GRK3: variants seen among roughly 807,000 people sequenced by gnomAD.
GRK3 encodes the protein adrenergic, beta, receptor kinase 2.
Under a neutral mutation model 95.7 loss-of-function variants are expected in GRK3, and 54 were observed. That is an observed-to-expected ratio of 0.56 (90% CI 0.45 to 0.71). GRK3 has a LOEUF of 0.71. Among genes scored for constraint, GRK3 ranks in the 30% least tolerant of loss-of-function variants. GRK3 has a pLI of 0.00. For synonymous variants in GRK3, 281 were observed against 290.8 expected (o/e 0.97, Z 0.34); for missense variants, 649 against 851.2 (o/e 0.76, Z 2.96).
rs1274027195 is a variant in GRK3 at position 25,714,484 on chromosome 22, A to G, written c.1568A>G (p.Glu523Gly). 1 of 1,613,940 alleles carries G rather than the reference A, an allele frequency of 6.2e-7. No individual in the cohort carries two copies. Reference protein sequence around the residue: ...ISERWQQEVTETVYEAVNADT... With the variant: ...ISERWQQEVTGTVYEAVNADT... ...GAACGCTGGCAGCAAGAAGTAACGG[A>G]AACAGTTTATGAAGCAGTAAATGCA... Residue 523 changes from glutamate to glycine, a missense_variant, in exon 18 of 21, where the codon GAA (glutamate) becomes GGA (glycine). Physicochemically the swap from Glu to Gly is moderately conservative, Grantham distance 98 (BLOSUM62 -2). Coordinates refer to ENST00000324198, the MANE Select transcript of GRK3 (RefSeq NM_005160.4).
intron 5 of GRK3, among the ~76,000 whole-genome samples, chr22:25,665,098 T>A (rs2084933266): frequency 3.3e-5 from 5 of 152,218 alleles, no homozygotes; most frequent in African/African-American, 1.2e-4. Flanking sequence ...ACTTCAGTTT[T>A]CTCATCTGTA....
At position 25,585,803 on chromosome 22, in the gene GRK3, A is replaced by T. The variant is rs143504012; in HGVS notation, c.114-18574A>T. Among the ~76,000 whole-genome samples, 191 of 152,370 alleles carry T rather than the reference A, an allele frequency of 1.3e-3. 2 individuals carry two copies. The East Asian group carries it at 0.02, about 16-fold the overall frequency. ...GTTGCAATCCTGGGTCATCACATAA[A>T]GGTTATAGCAACTTCAAGGGTGTAG... On this transcript the variant is annotated intron_variant, in intron 1 of 20. Coordinates refer to ENST00000324198, the MANE Select transcript of GRK3 (RefSeq NM_005160.4).
chr22:25,570,336 C>T (rs565447492), intron 1 of GRK3, among the ~76,000 whole-genome samples: 51 of 152,292 alleles, frequency 3.3e-4, no homozygotes, highest in Non-Finnish European at 6.6e-4. Context: ...AACAGGATTT[C>T]TACTGTCTTT....
chr22:25,633,826 T>G (rs966728481), intron 2 of GRK3, among the ~76,000 whole-genome samples: 15 of 152,200 alleles, frequency 9.9e-5, no homozygotes, highest in Non-Finnish European at 2.9e-5. Context: ...TTTGAAACTT[T>G]ATAAGAAAAT....
intron 13 of GRK3, among the ~76,000 whole-genome samples, chr22:25,699,865 A>AT (rs2085243871): frequency 2.0e-5 from 3 of 151,600 alleles, no homozygotes; most frequent in Non-Finnish European, 4.4e-5. Context: ...CGCCCAGCTA[A>AT]TTTTTTGTAT....
intron 11 of GRK3, among the ~76,000 whole-genome samples, chr22:25,689,116 C>A (rs1019687579): frequency 1.3e-5 from 2 of 151,052 alleles, no homozygotes; most frequent in Non-Finnish European, 2.9e-5. Flanking sequence ...GAATTTTAAA[C>A]CTTTCTGTAA....
chr22:25,600,660 AC>A (rs2084403584), intron 1 of GRK3, among the ~76,000 whole-genome samples: 1 of 152,188 alleles, frequency 6.6e-6, no homozygotes, highest in Non-Finnish European at 1.5e-5. Context: ...TGTAGATACT[AC>A]CCCATTTTAT....
intron 2 of GRK3, among the ~76,000 whole-genome samples, chr22:25,617,973 A>G (rs1363339631): frequency 6.6e-6 from 1 of 152,210 alleles, no homozygotes; most frequent in African/African-American, 2.4e-5. Context: ...AGGTTTCGCC[A>G]TGTTGGCCAG....
chr22:25,610,037 G>C (rs1601471298), intron 2 of GRK3, among the ~76,000 whole-genome samples: 1 of 151,254 alleles, frequency 6.6e-6, no homozygotes, highest in Non-Finnish European at 1.5e-5. Flanking sequence ...TTTTTAAGGA[G>C]ACACAGGGTT....
At chr22:25,700,676 C>T (rs1395034594) in intron 13 of GRK3, among the ~76,000 whole-genome samples, 1 of 152,176 alleles carries the variant, frequency 6.6e-6, no homozygotes, top group African/African-American at 2.4e-5. Context: ...CAAGCTCTGC[C>T]TCACAGGTTC....
chr22:25,708,817 A>G (rs2085321274), intron 15 of GRK3, among the ~76,000 whole-genome samples: 1 of 151,428 alleles, frequency 6.6e-6, no homozygotes, highest in South Asian at 2.1e-4. Context: ...GCCTGCCACC[A>G]TGCCCAGCTA....
intron 3 of GRK3, among the ~76,000 whole-genome samples, chr22:25,652,916 G>C (rs984114120): frequency 6.6e-6 from 1 of 152,116 alleles, no homozygotes; most frequent in Non-Finnish European, 1.5e-5. Flanking sequence ...AATCCTAGGA[G>C]CAATAGGCTA....
chr22:25,713,381 A>G (rs911195236), intron 17 of GRK3, among the ~76,000 whole-genome samples: 17 of 152,244 alleles, frequency 1.1e-4, no homozygotes, highest in African/African-American at 3.9e-4. Flanking sequence ...AAGCGACCTC[A>G]GAATCAACAG....
chr22:25,702,755 C>A, intron 13 of GRK3: 1 of 455,146 alleles, frequency 2.2e-6, no homozygotes, highest in Non-Finnish European at 4.4e-6. Flanking sequence ...CGTGTACTGC[C>A]ATTGTCTTGG....
chr22:25,567,327 A>G lies in GRK3; in HGVS notation c.113+2174A>G, dbSNP rs138788674. ...TTAGTTTTGTAATGTAGCTATTTAC[A>G]TAGTAACAGTCACTCCTTGTGCTGT... On this transcript the variant is annotated intron_variant, in intron 1 of 20. Coordinates refer to ENST00000324198, the MANE Select transcript of GRK3 (RefSeq NM_005160.4). Among the ~76,000 whole-genome samples the G allele has an allele frequency of 5.9e-3, 905 of 152,340 alleles. 4 individuals carry two copies. Among genetic ancestry groups the G allele is most frequent in the Non-Finnish European group, 9.7e-3 (662 of 68,034 alleles).
chr22:25,636,473 G>C (rs1193395656), intron 2 of GRK3, among the ~76,000 whole-genome samples: 2 of 152,036 alleles, frequency 1.3e-5, no homozygotes, highest in African/African-American at 4.8e-5. Flanking sequence ...TTACTCATTT[G>C]TGTAAGCCTA....
chr22:25,578,786 C>G (rs1601447414), intron 1 of GRK3, among the ~76,000 whole-genome samples: 1 of 152,158 alleles, frequency 6.6e-6, no homozygotes, highest in Admixed American at 6.6e-5. Context: ...CGCAGTCCTA[C>G]TGACACTCTG....
At chr22:25,593,137 GTT>G (rs141900632) in intron 1 of GRK3, among the ~76,000 whole-genome samples, 25 of 144,930 alleles carry the variant, frequency 1.7e-4, no homozygotes, top group African/African-American at 6.2e-4. Context: ...AGTGCATGTG[GTT>G]TTTTTTTTTT....
intron 3 of GRK3, among the ~76,000 whole-genome samples, chr22:25,654,320 AC>A (rs1265079811): frequency 6.6e-6 from 1 of 152,194 alleles, no homozygotes; most frequent in Admixed American, 6.5e-5. Flanking sequence ...GCATAGCATG[AC>A]TGGACCTGCC....
Sources: allele counts gnomAD v4.1 joint callset (sites outside exome capture counted in the v4.1 genomes callset), GRCh38; gene constraint gnomAD v4.1.1; transcripts MANE v1.5; gene names NCBI Gene and HGNC (gene_info 2026-07-23, HGNC 2026-07-21).